Variants in AGBL4 observed in about 807,000 individuals in gnomAD.
AGBL4 encodes the protein AGBL carboxypeptidase 4.
A neutral mutation model predicts 66.4 loss-of-function variants in AGBL4; 58 were observed. The observed-to-expected ratio is 0.87, with a 90% confidence interval of 0.71 to 1.09. AGBL4 has a LOEUF of 1.09. Among genes scored for constraint, AGBL4 ranks in the 50% least tolerant of loss-of-function variants. The pLI, the probability that AGBL4 is intolerant of heterozygous loss-of-function variation, is 0.00. For missense variants in AGBL4, 579 were observed against 631.0 expected, an observed-to-expected ratio of 0.92 and a Z score of 0.88; for synonymous variants, 234 against 222.9, an observed-to-expected ratio of 1.05 and a Z score of -0.44.
chr1:49,438,920 C>T (rs1645964084), intron 3 of AGBL4, among the ~76,000 whole-genome samples: 1 of 152,172 alleles, frequency 6.6e-6, no homozygotes, highest in South Asian at 2.1e-4. Context: ...CTTGCTGCAT[C>T]ATCACACAGT....
intron 2 of AGBL4, among the ~76,000 whole-genome samples, chr1:49,814,083 C>A (rs562016990): frequency 6.6e-6 from 1 of 152,230 alleles, no homozygotes; most frequent in African/African-American, 2.4e-5. Context: ...GCCTCCCCAG[C>A]CATGTGGAAC....
intron 5 of AGBL4, among the ~76,000 whole-genome samples, chr1:48,883,864 C>A (rs1650029700): frequency 6.6e-6 from 1 of 152,128 alleles, no homozygotes; most frequent in East Asian, 1.9e-4. Flanking sequence ...GTATTCCAGT[C>A]CAGCATTCCT....
intron 4 of AGBL4, among the ~76,000 whole-genome samples, chr1:49,096,590 CA>C (rs1323188428): frequency 1.3e-5 from 2 of 148,800 alleles, no homozygotes; most frequent in Non-Finnish European, 3.0e-5. Flanking sequence ...ATCGCAAGGA[CA>C]AAAAACCAAA....
At chr1:48,901,752 T>C (rs1055794030) in intron 5 of AGBL4, among the ~76,000 whole-genome samples, 3 of 152,004 alleles carry the variant, frequency 2.0e-5, no homozygotes, top group Admixed American at 6.5e-5. Context: ...TGAGTGGGAA[T>C]AGGGGAGGGA....
chr1:50,001,177 A>T (rs1660725211), intron 1 of AGBL4, among the ~76,000 whole-genome samples: 1 of 151,062 alleles, frequency 6.6e-6, no homozygotes, highest in Non-Finnish European at 1.5e-5. Context: ...ATATATGCAC[A>T]CTAAGTGTAA....
chr1:48,782,900 A>G (rs1249255526), intron 6 of AGBL4, among the ~76,000 whole-genome samples: 1 of 152,140 alleles, frequency 6.6e-6, no homozygotes, highest in African/African-American at 2.4e-5. Flanking sequence ...TGTCTTAAAA[A>G]TCCTCTGTGT....
At chr1:49,467,968 A>C (rs1032882289) in intron 3 of AGBL4, among the ~76,000 whole-genome samples, 2 of 151,836 alleles carry the variant, frequency 1.3e-5, no homozygotes, top group African/African-American at 4.8e-5. Context: ...AAGTGCAATT[A>C]TCAAATTATA....
intron 9 of AGBL4, chr1:48,634,204 T>C (rs1645633480): frequency 4.9e-6 from 1 of 202,700 alleles, no homozygotes; most frequent in African/African-American, 2.3e-5. Context: ...GTCCTATTTC[T>C]TTAGCTTGTA....
At chr1:49,189,430 A>C (rs1647074307) in intron 4 of AGBL4, among the ~76,000 whole-genome samples, 1 of 152,204 alleles carries the variant, frequency 6.6e-6, no homozygotes, top group Non-Finnish European at 1.5e-5. Context: ...TTAATGTAAC[A>C]TATCAAACTA....
intron 3 of AGBL4, among the ~76,000 whole-genome samples, chr1:49,488,560 C>T (rs985895771): frequency 2.0e-5 from 3 of 151,842 alleles, no homozygotes; most frequent in East Asian, 1.9e-4. Context: ...TCCAATGATA[C>T]TCTTTTAGTT....
intron 10 of AGBL4, among the ~76,000 whole-genome samples, chr1:48,590,406 C>CAAAAA (rs386366923): frequency 1.1e-4 from 10 of 93,632 alleles, no homozygotes; most frequent in African/African-American, 3.8e-4. Context: ...AACTCAGTCT[C>CAAAAA]AAAAAAAAAA....
In AGBL4 at chr1:48,532,985, G is replaced by A. The variant is rs1643915368; in HGVS notation, c.*1188C>T. 1 of 152,218 alleles carries A rather than the reference G, an allele frequency of 6.6e-6. No individual in the cohort carries two copies. Among genetic ancestry groups the A allele is most frequent in the African/African-American group, 2.4e-5 (1 of 41,422 alleles). The allele number at this position is 152,218 out of a possible 1,614,324, so 9.4% of individuals were successfully genotyped here. A position where few individuals can be genotyped will look rare whatever the true frequency, so the allele number is the denominator to read the frequency against. On this transcript the variant is annotated 3_prime_UTR_variant, in exon 14 of 14. Coordinates refer to ENST00000371839, the MANE Select transcript of AGBL4 (RefSeq NM_032785.4). Reference sequence around the variant, plus strand: ...CATTTCTGAAAACTAGCATGCAAAGGAGAACAAGTTTTCTTTTTGATTTTT... The same window carrying A: ...CATTTCTGAAAACTAGCATGCAAAGAAGAACAAGTTTTCTTTTTGATTTTT...
intron 4 of AGBL4, among the ~76,000 whole-genome samples, chr1:49,081,331 A>G (rs1644805140): frequency 1.3e-5 from 2 of 152,228 alleles, no homozygotes; most frequent in African/African-American, 4.8e-5. Context: ...CCAGCTCTAC[A>G]GTTTCCTAGC....
intron 1 of AGBL4, among the ~76,000 whole-genome samples, chr1:49,948,564 AATATATATATAT>A (rs71059566): frequency 7.0e-4 from 45 of 64,596 alleles, no homozygotes; most frequent in Admixed American, 2.6e-3. Context: ...AATATATAAA[AATATATATATAT>A]ATATATAGAG....
chr1:49,328,508 T>G (rs556892955), intron 3 of AGBL4, among the ~76,000 whole-genome samples: 1 of 152,328 alleles, frequency 6.6e-6, no homozygotes, highest in South Asian at 2.1e-4. Context: ...AGTCCTCTCT[T>G]TTTCTCAGAG....
At chr1:49,924,190 C>T (rs1448638984) in intron 1 of AGBL4, among the ~76,000 whole-genome samples, 5 of 152,012 alleles carry the variant, frequency 3.3e-5, no homozygotes, top group African/African-American at 1.2e-4. Context: ...AACACAGGAA[C>T]AAAAAACCAA....
At chr1:49,980,341 C>T (rs1160930102) in intron 1 of AGBL4, among the ~76,000 whole-genome samples, 1 of 152,144 alleles carries the variant, frequency 6.6e-6, no homozygotes, top group Non-Finnish European at 1.5e-5. Context: ...TATTATCATG[C>T]AACAGATCTC....
At chr1:49,950,779 A>T (rs1571945769) in intron 1 of AGBL4, among the ~76,000 whole-genome samples, 1 of 151,760 alleles carries the variant, frequency 6.6e-6, no homozygotes, top group African/African-American at 2.4e-5. Flanking sequence ...AGATATGTGC[A>T]CTCCCAAGTT....
chr1:50,017,187 C>A (rs919844990), intron 1 of AGBL4: 3 of 152,100 alleles, frequency 2.0e-5, no homozygotes, highest in African/African-American at 7.2e-5. Context: ...TTTCCAATAA[C>A]CTGTCTTCTG....
Sources: gnomAD v4.1 joint callset for allele counts (sites outside exome capture counted in the v4.1 genomes callset) on GRCh38, gnomAD v4.1.1 for gene constraint, MANE v1.5 for transcripts, NCBI Gene and HGNC (gene_info 2026-07-23, HGNC 2026-07-21) for gene names.